The following DISC1 variants were observed in gnomAD, a reference collection of about 807,000 sequenced individuals.
The protein encoded by DISC1 is DISC1 scaffold protein, also known as disrupted in schizophrenia 1 protein.
DISC1 carries 57 observed loss-of-function variants against 84.5 expected under a neutral mutation model. The observed-to-expected ratio is 0.67, with a 90% CI of 0.55 to 0.84. The LOEUF is 0.84. Ranked by LOEUF, DISC1 falls within the 40% of genes least tolerant of loss-of-function variation. The pLI is 0.00. For synonymous variants in DISC1, 411 were observed against 415.2 expected (o/e 0.99, Z 0.12); for missense variants, 1,000 against 1,057.8 (o/e 0.95, Z 0.76).
chr1:231,920,395 C>G (rs145246849), intron 9 of DISC1, among the ~76,000 whole-genome samples: 13 of 152,340 alleles, frequency 8.5e-5, no homozygotes, highest in African/African-American at 3.1e-4. Flanking sequence ...AGCTGAAACT[C>G]TGTCCCCATT....
At chr1:231,883,000 CA>C (rs1451012239) in intron 9 of DISC1, among the ~76,000 whole-genome samples, 1 of 151,680 alleles carries the variant, frequency 6.6e-6, no homozygotes, top group Non-Finnish European at 1.5e-5. Flanking sequence ...GTTCTGCTCC[CA>C]AGAGGCTCAT....
intron 1 of DISC1, among the ~76,000 whole-genome samples, chr1:231,673,952 G>A (rs1022788723): frequency 1.3e-5 from 2 of 152,158 alleles, no homozygotes; most frequent in Non-Finnish European, 2.9e-5. Flanking sequence ...CCAGACTCTC[G>A]TATAAAAAGC....
At chr1:231,699,443 C>CA (rs954511377) in intron 2 of DISC1, among the ~76,000 whole-genome samples, 2 of 151,970 alleles carry the variant, frequency 1.3e-5, no homozygotes, top group African/African-American at 4.8e-5. Flanking sequence ...ACCCAAAAAA[C>CA]AAAAAACAAA....
At chr1:231,850,377 T>G (rs1266410222) in intron 9 of DISC1, among the ~76,000 whole-genome samples, 1 of 152,258 alleles carries the variant, frequency 6.6e-6, no homozygotes, top group African/African-American at 2.4e-5. Context: ...ATCTGTTGCC[T>G]TTTGAAAGAC....
At chr1:232,014,915 A>G (rs1272151252) in intron 11 of DISC1, among the ~76,000 whole-genome samples, 1 of 152,206 alleles carries the variant, frequency 6.6e-6, no homozygotes, top group Non-Finnish European at 1.5e-5. Flanking sequence ...CGCTCTACAT[A>G]GTATTTATTT....
At chr1:231,950,424 C>G (rs1228860480) in intron 9 of DISC1, among the ~76,000 whole-genome samples, 1 of 152,146 alleles carries the variant, frequency 6.6e-6, no homozygotes, top group Non-Finnish European at 1.5e-5. Flanking sequence ...AGCAAGAAAG[C>G]AAACCCAAAT....
chr1:231,810,715 G>A (rs79219493), intron 8 of DISC1, among the ~76,000 whole-genome samples: 7,034 of 152,296 alleles, frequency 0.046, 190 homozygotes, highest in Middle Eastern at 0.075. Context: ...CGAACATCCT[G>A]TGTGCTTGGT....
intron 7 of DISC1, 62 bp downstream of exon 7, chr1:231,795,358 T>C (rs901232322): frequency 6.9e-7 from 1 of 1,453,344 alleles, no homozygotes; most frequent in African/African-American, 1.4e-5. Flanking sequence ...TGACTTGATT[T>C]TACATCTAGA....
intron 9 of DISC1, among the ~76,000 whole-genome samples, chr1:231,872,713 G>A (rs1249481302): frequency 6.6e-6 from 1 of 151,440 alleles, no homozygotes; most frequent in Non-Finnish European, 1.5e-5. Context: ...CAATCCAGAT[G>A]ACAGGCACAC....
chr1:231,917,971 G>A (rs1036869058), intron 9 of DISC1, among the ~76,000 whole-genome samples: 2 of 152,196 alleles, frequency 1.3e-5, no homozygotes, highest in Non-Finnish European at 2.9e-5. Flanking sequence ...GGTTGAGGGA[G>A]GCTAAATGGC....
rs375677364 is a variant in DISC1, at chr1:232,036,736, G to T, written c.2470G>T (p.Ala824Ser). The T allele has an allele frequency of 6.8e-6, 11 of 1,608,450 alleles. No individual in the cohort carries two copies. The highest frequency in any genetic ancestry group is 4.4e-5 in the South Asian group (4 of 90,348). ...ELQMVKETLQAMILQLQPAKE... is the reference protein window; with the variant it reads ...ELQMVKETLQSMILQLQPAKE... ...CCAGATGGTGAAGGAAACTCTGCAGGCCATGATCCTGCAGCTCCAGCCAGC... is the reference window on the plus strand; with the variant it reads ...CCAGATGGTGAAGGAAACTCTGCAGTCCATGATCCTGCAGCTCCAGCCAGC... The change falls in exon 13 of 13, where the codon GCC (alanine) becomes TCC (serine). Residue 824 changes from alanine (A) to serine (S), a missense_variant. Physicochemically the swap from Ala to Ser is moderately conservative, Grantham distance 99. Coordinates refer to ENST00000439617, the MANE Select transcript of DISC1 (RefSeq NM_018662.3).
chr1:231,876,160 T>A (rs2085871836), intron 9 of DISC1, among the ~76,000 whole-genome samples: 1 of 152,168 alleles, frequency 6.6e-6, no homozygotes, highest in South Asian at 2.1e-4. Flanking sequence ...AGTGGTTGGA[T>A]CATGAGGGTG....
intron 3 of DISC1, among the ~76,000 whole-genome samples, chr1:231,730,396 G>GC (rs1208794848): frequency 6.6e-6 from 1 of 152,146 alleles, no homozygotes; most frequent in Non-Finnish European, 1.5e-5. Context: ...CATTCCTGCA[G>GC]CCAGTCACAT....
At chr1:231,645,867 A>G (rs946874653) in intron 1 of DISC1, among the ~76,000 whole-genome samples, 1 of 150,282 alleles carries the variant, frequency 6.7e-6, no homozygotes, top group Non-Finnish European at 1.5e-5. Flanking sequence ...GCTGCGTAGT[A>G]TTCCATGGTG....
intron 6 of DISC1, among the ~76,000 whole-genome samples, chr1:231,791,464 A>G (rs935737609): frequency 6.6e-6 from 1 of 152,212 alleles, no homozygotes; most frequent in Non-Finnish European, 1.5e-5. Context: ...TCTACTTCAT[A>G]GAGTTATAAT....
At chr1:231,861,519 C>A (rs1428622538) in intron 9 of DISC1, among the ~76,000 whole-genome samples, 3 of 134,190 alleles carry the variant, frequency 2.2e-5, no homozygotes, top group African/African-American at 8.2e-5. Flanking sequence ...AAAGGACATA[C>A]TTGACTGAAT....
intron 9 of DISC1, among the ~76,000 whole-genome samples, chr1:231,846,688 C>T (rs946940336): frequency 6.6e-6 from 1 of 152,156 alleles, no homozygotes; most frequent in African/African-American, 2.4e-5. Flanking sequence ...TTTAAGGCAA[C>T]ATAGTAACTA....
chr1:231,976,101 A>G (rs968356520), intron 10 of DISC1, among the ~76,000 whole-genome samples: 3 of 152,202 alleles, frequency 2.0e-5, no homozygotes, highest in Admixed American at 6.5e-5. Flanking sequence ...GCAGCGGGCA[A>G]CTGTGCTTCC....
At chr1:231,916,687 A>G (rs2089664940) in intron 9 of DISC1, among the ~76,000 whole-genome samples, 1 of 151,380 alleles carries the variant, frequency 6.6e-6, no homozygotes, top group Non-Finnish European at 1.5e-5. Flanking sequence ...AGTTCCGAAG[A>G]GTTGCCAGGG....
Sources: gnomAD v4.1 joint callset for allele counts (sites outside exome capture counted in the v4.1 genomes callset) on GRCh38, gnomAD v4.1.1 for gene constraint, MANE v1.5 for transcripts, NCBI Gene and HGNC (gene_info 2026-07-23, HGNC 2026-07-21) for gene names.